SCAF8: variants seen among roughly 807,000 people sequenced by gnomAD.
SCAF8 encodes SR-related and CTD-associated factor 8.
Under a neutral mutation model 140.5 loss-of-function variants are expected in SCAF8, and 23 were observed. The observed-to-expected ratio is 0.16, with a 90% CI of 0.12 to 0.23. The LOEUF is 0.23. Ranked by LOEUF, SCAF8 falls within the 10% of genes least tolerant of loss-of-function variation. The pLI is 1.00. For missense variants in SCAF8, 1,397 were observed against 1,555.7 expected, an observed-to-expected ratio of 0.90 and a Z score of 1.72; for synonymous variants, 575 against 528.9, an observed-to-expected ratio of 1.09 and a Z score of -1.20.
At chr6:154,770,386 A>ACACACACACTCT (rs1776706039) in intron 1 of SCAF8, among the ~76,000 whole-genome samples, 2 of 133,428 alleles carry the variant, frequency 1.5e-5, no homozygotes. Context: ...ACACACACAC[A>ACACACACACTCT]CACTCTCTCT....
chr6:154,760,259 A>G (rs973895824), intron 1 of SCAF8, among the ~76,000 whole-genome samples: 1 of 152,194 alleles, frequency 6.6e-6, no homozygotes, highest in Non-Finnish European at 1.5e-5. Context: ...GTGCCACTGC[A>G]CTCCAACCTG....
intron 6 of SCAF8, among the ~76,000 whole-genome samples, chr6:154,800,085 C>T (rs946011158): frequency 2.6e-5 from 4 of 151,288 alleles, no homozygotes; most frequent in East Asian, 3.9e-4. Context: ...CGCACCTGGC[C>T]GTGACTGCTA....
At chr6:154,820,104 TTTTGAAC>T in intron 14 of SCAF8, 66 bp from the exon 15 acceptor site, 1 of 1,216,494 alleles carries the variant, frequency 8.2e-7, no homozygotes, top group Non-Finnish European at 1.1e-6. Context: ...TTAAATAAAA[TTTTGAAC>T]TTTTTACCTT....
chr6:154,760,952 T>G lies in SCAF8; in HGVS notation c.31-13037T>G, dbSNP rs552346950. 1.3e-4 allele frequency among the ~76,000 whole-genome samples: 20 copies of G among 151,834 alleles called. 1 individual carries two copies. In the South Asian group the frequency reaches 4.0e-3, roughly 30 times the overall value. ...GCATGCACCCCCATGTCCCATTGAT[T>G]TTTTTCTTTTTTCTTTTTTTTTAAA... is the stretch of plus-strand genomic sequence containing the variant. On this transcript the variant is annotated intron_variant, in intron 1 of 19. Transcript: ENST00000367178.
intron 12 of SCAF8, among the ~76,000 whole-genome samples, chr6:154,814,023 T>A (rs969703702): frequency 6.6e-6 from 1 of 152,266 alleles, no homozygotes; most frequent in Non-Finnish European, 1.5e-5. Flanking sequence ...CTTCATGTTA[T>A]TTTGTTATAG....
chr6:154,760,575 C>T (rs1167759655), intron 1 of SCAF8, among the ~76,000 whole-genome samples: 1 of 151,990 alleles, frequency 6.6e-6, no homozygotes, highest in Non-Finnish European at 1.5e-5. Flanking sequence ...ACTCTGCTAA[C>T]TGTGTCTATT....
chr6:154,791,910 C>G (rs987632838), intron 4 of SCAF8, among the ~76,000 whole-genome samples: 12 of 152,008 alleles, frequency 7.9e-5, no homozygotes, highest in African/African-American at 2.9e-4. Context: ...AAATTGGATG[C>G]AGTGCTGCAG....
chr6:154,808,132 A>G lies in SCAF8; in HGVS notation c.1044A>G (p.Gln348=), dbSNP rs1361618352. 3.7e-6 allele frequency: 6 copies of G among 1,613,972 alleles called. No homozygotes were observed. The highest frequency in any genetic ancestry group is 1.7e-5 in the Admixed American group (1 of 60,022). The change falls in exon 10 of 20, where the codon CAA becomes CAG. Residue 348 remains glutamine, a synonymous_variant. Coordinates refer to ENST00000367178, the MANE Select transcript of SCAF8 (RefSeq NM_014892.5). ...FGSEHSASPS[Q]GSSQQHFLEP... ...CAGAGCATTCAGCGTCACCATCACAAGGGAGTAGTCAGCAGCATTTTCTTG... is the reference window on the plus strand; with the variant it reads ...CAGAGCATTCAGCGTCACCATCACAGGGGAGTAGTCAGCAGCATTTTCTTG...
At chr6:154,743,671 A>G (rs1778626753) in intron 1 of SCAF8, among the ~76,000 whole-genome samples, 2 of 152,206 alleles carry the variant, frequency 1.3e-5, no homozygotes, top group African/African-American at 2.4e-5. Flanking sequence ...ACAGTGATCA[A>G]TGTCTCAGAG....
chr6:154,747,933 T>TGTGTGTGTGTACTA (rs1485936739), intron 1 of SCAF8, among the ~76,000 whole-genome samples: 1 of 145,660 alleles, frequency 6.9e-6, no homozygotes, highest in East Asian at 2.0e-4. Flanking sequence ...TGTGTGTGTG[T>TGTGTGTGTGTACTA]GTGTACTAGA....
Position 154,832,041 on chromosome 6 carries a change from C to T in SCAF8, c.2462C>T (p.Ser821Leu), listed in dbSNP as rs559139013. 3 of 1,614,020 alleles carry T rather than the reference C, an allele frequency of 1.9e-6. No homozygotes were observed. The highest frequency in any genetic ancestry group is 2.7e-5 in the African/African-American group (2 of 75,000). Residue 821 changes from serine to leucine, a missense_variant, in exon 20 of 20, where the codon TCA (serine) becomes TTA (leucine). By Grantham distance (145) the Ser-to-Leu change is moderately radical. This residue lies in a region of SCAF8 where 930 missense variants were observed against 874.6 expected (regional missense o/e 1.06). Transcript: ENST00000367178. The stretch of plus-strand genomic sequence containing the variant: ...CTGGGAGTCCAAAGACCAAATGTAT[C>T]AAGTAATTCTGAAATTCTTGGGGTC... ...GILGVQRPNV[S>L]SNSEILGVRP...
chr6:154,780,045 C>T (rs181878537), intron 3 of SCAF8, among the ~76,000 whole-genome samples: 62 of 152,122 alleles, frequency 4.1e-4, no homozygotes, highest in Non-Finnish European at 6.8e-4. Flanking sequence ...AGTTCCATGC[C>T]GTTTAATCAC....
chr6:154,752,876 C>T (rs1424054445), intron 1 of SCAF8, among the ~76,000 whole-genome samples: 1 of 152,166 alleles, frequency 6.6e-6, no homozygotes, highest in Non-Finnish European at 1.5e-5. Flanking sequence ...CACTTGCCAC[C>T]ATGCCCGGCC....
At chr6:154,742,128 A>T (rs1450246684) in intron 1 of SCAF8, 1 of 697,046 alleles carries the variant, frequency 1.4e-6, no homozygotes, top group Non-Finnish European at 2.4e-6. Flanking sequence ...AAGCAGAATG[A>T]AGTTTGTCAC....
chr6:154,759,186 A>G (rs1356713416), intron 1 of SCAF8, among the ~76,000 whole-genome samples: 1 of 152,210 alleles, frequency 6.6e-6, no homozygotes, highest in African/African-American at 2.4e-5. Context: ...CATCAGTGCG[A>G]AAGCAAGGCC....
intron 8 of SCAF8, among the ~76,000 whole-genome samples, chr6:154,805,062 T>A (rs1465038165): frequency 6.6e-6 from 1 of 152,188 alleles, no homozygotes; most frequent in African/African-American, 2.4e-5. Context: ...ATTGAGATTT[T>A]CTTAATATGC....
At position 154,824,186 on chromosome 6, in the gene SCAF8, T is replaced by C. The variant is rs779393015; in HGVS notation, c.1927-48T>C. Reference sequence around the variant, plus strand: ...TAATTTGCCTTTAGTTGTTCCAAGATGCAGGTGAATAAACTGATGAGTGAA... The same window carrying C: ...TAATTTGCCTTTAGTTGTTCCAAGACGCAGGTGAATAAACTGATGAGTGAA... On this transcript the variant is annotated intron_variant, in intron 16 of 19. Coordinates refer to ENST00000367178, the MANE Select transcript of SCAF8 (RefSeq NM_014892.5). 7 of 1,590,090 alleles carry C rather than the reference T, an allele frequency of 4.4e-6. No homozygotes were observed. The South Asian group carries it at 7.9e-5, about 18-fold the overall frequency.
intron 4 of SCAF8, 80 bp from the exon 5 acceptor site, chr6:154,792,743 G>T: frequency 2.2e-6 from 2 of 911,342 alleles, no homozygotes; most frequent in Non-Finnish European, 1.6e-6. Context: ...TCCATCCAGG[G>T]CCCAGATAGC....
chr6:154,797,277 C>T (rs1040872271), intron 6 of SCAF8, among the ~76,000 whole-genome samples: 3 of 151,082 alleles, frequency 2.0e-5, no homozygotes, highest in Admixed American at 6.6e-5. Flanking sequence ...CTGTTACTAC[C>T]CTAGTTCTTC....
Sources: allele counts gnomAD v4.1 joint callset (sites outside exome capture counted in the v4.1 genomes callset), GRCh38; gene constraint gnomAD v4.1.1; regional missense constraint gnomAD v4.1.1; transcripts MANE v1.5; gene names NCBI Gene and HGNC (gene_info 2026-07-23, HGNC 2026-07-21).